SRGAP3: variants seen among roughly 807,000 people sequenced by gnomAD.
SRGAP3 encodes the protein SLIT-ROBO Rho GTPase-activating protein 3.
Under a neutral mutation model 121.1 loss-of-function variants are expected in SRGAP3, and 39 were observed. The observed-to-expected ratio is 0.32, with a 90% confidence interval of 0.25 to 0.42. The LOEUF (loss-of-function observed/expected upper bound fraction) is 0.42, where lower values mean the gene tolerates loss of function less well. Ranked by LOEUF, SRGAP3 falls within the 10% of genes least tolerant of loss-of-function variation. The pLI, the probability that SRGAP3 is intolerant of heterozygous loss-of-function variation, is 1.00. For synonymous variants in SRGAP3, 601 were observed against 570.0 expected, an observed-to-expected ratio of 1.05 and a Z score of -0.77; for missense variants, 1,213 against 1,470.6, an observed-to-expected ratio of 0.82 and a Z score of 2.86.
chr3:8,995,968 T>C (rs896875153), intron 18 of SRGAP3, among the ~76,000 whole-genome samples: 2 of 152,216 alleles, frequency 1.3e-5, no homozygotes, highest in Non-Finnish European at 2.9e-5. Flanking sequence ...TCTGCTCCAT[T>C]CACTGTGGAC....
At chr3:9,335,939 T>C (rs1171693584) in intron 1 of SRGAP3, among the ~76,000 whole-genome samples, 1 of 152,120 alleles carries the variant, frequency 6.6e-6, no homozygotes, top group East Asian at 1.9e-4. Context: ...TTTGCAGCCA[T>C]GGGACTTCAC....
At chr3:9,259,848 A>AG (rs1482653267) in intron 3 of SRGAP3, among the ~76,000 whole-genome samples, 1 of 146,376 alleles carries the variant, frequency 6.8e-6, no homozygotes, top group Non-Finnish European at 1.5e-5. Flanking sequence ...GCTGGGGGCC[A>AG]GGGGTGGGGC....
chr3:9,167,858 C>T (rs1334582590), intron 1 of SRGAP3, among the ~76,000 whole-genome samples: 1 of 152,190 alleles, frequency 6.6e-6, no homozygotes, highest in Non-Finnish European at 1.5e-5. Flanking sequence ...CACCCTACTC[C>T]TCCCTCAAGA....
chr3:9,310,101 G>A (rs755929028), intron 3 of SRGAP3, among the ~76,000 whole-genome samples: 10 of 152,108 alleles, frequency 6.6e-5, no homozygotes, highest in Admixed American at 6.5e-4. Flanking sequence ...AACCGAGGAC[G>A]AGAAAAGTAA....
At chr3:9,118,464 G>C (rs1948882741) in intron 2 of SRGAP3, among the ~76,000 whole-genome samples, 1 of 152,204 alleles carries the variant, frequency 6.6e-6, no homozygotes, top group East Asian at 1.9e-4. Context: ...GTCCTGCTCA[G>C]GAAGGGCTCA....
intron 2 of SRGAP3, among the ~76,000 whole-genome samples, chr3:9,117,454 C>G (rs1192907592): frequency 6.6e-6 from 1 of 152,246 alleles, no homozygotes; most frequent in Non-Finnish European, 1.5e-5. Flanking sequence ...ACCTCCTTTG[C>G]ACAGGATATC....
At chr3:9,167,269 C>T (rs1053908123) in intron 1 of SRGAP3, among the ~76,000 whole-genome samples, 1 of 152,222 alleles carries the variant, frequency 6.6e-6, no homozygotes, top group African/African-American at 2.4e-5. Flanking sequence ...ACTCTCCCCA[C>T]AATTCCAATT....
chr3:8,995,469 C>G (rs913765282), intron 18 of SRGAP3, among the ~76,000 whole-genome samples: 2 of 152,144 alleles, frequency 1.3e-5, no homozygotes, highest in Non-Finnish European at 2.9e-5. Context: ...GAGCAAGACC[C>G]TGTCTCAAAA....
intron 1 of SRGAP3, among the ~76,000 whole-genome samples, chr3:9,240,164 A>T (rs1285798154): frequency 6.6e-6 from 1 of 152,198 alleles, no homozygotes; most frequent in African/African-American, 2.4e-5. Context: ...ATTTAAAGGA[A>T]TACTCTTAGG....
intron 3 of SRGAP3, among the ~76,000 whole-genome samples, chr3:9,282,799 T>A (rs1465168408): frequency 6.6e-6 from 1 of 151,966 alleles, no homozygotes; most frequent in Non-Finnish European, 1.5e-5. Context: ...ATTGTTTTGA[T>A]TGAATAAGGG....
chr3:9,096,978 T>C (rs1485963264), intron 3 of SRGAP3, among the ~76,000 whole-genome samples: 16 of 80,948 alleles, frequency 2.0e-4, no homozygotes, highest in African/African-American at 7.2e-4. Flanking sequence ...TATATATATA[T>C]ATACACATAC....
At chr3:9,019,890 G>A (rs1943827956) in intron 14 of SRGAP3, among the ~76,000 whole-genome samples, 1 of 152,246 alleles carries the variant, frequency 6.6e-6, no homozygotes, top group African/African-American at 2.4e-5. Context: ...GTTCCCACTG[G>A]AGGACGTGAG....
intron 2 of SRGAP3, among the ~76,000 whole-genome samples, chr3:9,329,496 A>T (rs1257422411): frequency 3.3e-5 from 5 of 152,226 alleles, no homozygotes; most frequent in African/African-American, 1.2e-4. Flanking sequence ...CAAGGCTTAC[A>T]TTTGCCCTCA....
intron 2 of SRGAP3, 112 bp downstream of exon 2, chr3:9,124,613 C>T (rs1949147521): frequency 2.1e-6 from 3 of 1,410,190 alleles, no homozygotes; most frequent in South Asian, 1.2e-5. Context: ...GCCCTGAAGG[C>T]ACACCCTCTG....
chr3:9,176,082 C>T (rs376542668), intron 1 of SRGAP3, among the ~76,000 whole-genome samples: 6 of 152,102 alleles, frequency 3.9e-5, no homozygotes, highest in Non-Finnish European at 2.9e-5. Context: ...CCACCATGCC[C>T]GGCTAATTTT....
At chr3:9,054,309 T>G (rs1346447774) in intron 8 of SRGAP3, among the ~76,000 whole-genome samples, 1 of 152,238 alleles carries the variant, frequency 6.6e-6, no homozygotes, top group African/African-American at 2.4e-5. Context: ...TAGAAACATT[T>G]ACAGCCTATC....
chr3:9,120,543 C>T (rs575411267), intron 2 of SRGAP3, among the ~76,000 whole-genome samples: 1 of 152,356 alleles, frequency 6.6e-6, no homozygotes, highest in African/African-American at 2.4e-5. Context: ...CACATGGCTT[C>T]TTGGAGAGAG....
At chr3:9,052,134 G>A (rs1560013704) in intron 9 of SRGAP3, among the ~76,000 whole-genome samples, 1 of 152,214 alleles carries the variant, frequency 6.6e-6, no homozygotes, top group Non-Finnish European at 1.5e-5. Flanking sequence ...CAAAACAAAA[G>A]CTTATAAGGC....
intron 1 of SRGAP3, among the ~76,000 whole-genome samples, chr3:9,189,425 C>G (rs554160063): frequency 2.5e-4 from 38 of 152,308 alleles, no homozygotes; most frequent in African/African-American, 8.7e-4. Context: ...ATGGGCAGAG[C>G]TGTATGGGAA....
Sources: gnomAD v4.1 joint callset for allele counts (sites outside exome capture counted in the v4.1 genomes callset) on GRCh38, gnomAD v4.1.1 for gene constraint, MANE v1.5 for transcripts, NCBI Gene and HGNC (gene_info 2026-07-23, HGNC 2026-07-21) for gene names.